TUSC3: variants seen among roughly 807,000 people sequenced by gnomAD.
TUSC3 encodes dolichyl-diphosphooligosaccharide--protein glycosyltransferase subunit TUSC3.
A neutral mutation model predicts 44.8 loss-of-function variants in TUSC3; 45 were observed. The ratio of observed to expected loss-of-function variants is 1.00; its 90% CI spans 0.79 to 1.29. The LOEUF (loss-of-function observed/expected upper bound fraction) is 1.29, where lower values mean the gene tolerates loss of function less well. Ranked by LOEUF, TUSC3 falls within the 50% of genes most tolerant of loss-of-function variation. TUSC3 has a pLI of 0.00. For synonymous variants in TUSC3, 212 were observed against 152.9 expected, an observed-to-expected ratio of 1.39 and a Z score of -2.85; for missense variants, 519 against 437.9, an observed-to-expected ratio of 1.19 and a Z score of -1.65.
chr8:15,491,798 C>A (rs1800812812), intron 2 of TUSC3, among the ~76,000 whole-genome samples: 1 of 152,214 alleles, frequency 6.6e-6, no homozygotes, highest in Non-Finnish European at 1.5e-5. Context: ...AATTCCTCAA[C>A]AAGTTCTATC....
rs532442874 is a variant in TUSC3 at position 15,680,095 on chromosome 8, A to G, written c.798+6259A>G. ...GTTTGGGTTCCACATGAATTTTAGA[A>G]TAGCTTTTTTTTTTCTAGTTCTGTG... On this transcript the variant is annotated intron_variant, in intron 6 of 10. Transcript: ENST00000503731. 4.3e-4 allele frequency among the ~76,000 whole-genome samples: 61 copies of G among 143,250 alleles called. No individual in the cohort carries two copies. In the South Asian group the frequency reaches 5.8e-3, roughly 14 times the overall value. 94.0% of individuals were successfully genotyped at this position (143,250 alleles called of 152,430 possible). A position where few individuals can be genotyped will look rare whatever the true frequency, so the allele number is the denominator to read the frequency against.
At chr8:15,518,232 A>G (rs1016633171) in intron 2 of TUSC3, among the ~76,000 whole-genome samples, 3 of 152,134 alleles carry the variant, frequency 2.0e-5, no homozygotes, top group African/African-American at 4.8e-5. Context: ...TTTGTGGTCA[A>G]TATTACCTTT....
chr8:15,762,762 A>G (rs974592114), intron 10 of TUSC3, among the ~76,000 whole-genome samples: 1 of 152,082 alleles, frequency 6.6e-6, no homozygotes, highest in Non-Finnish European at 1.5e-5. Flanking sequence ...TGCTAGCAGG[A>G]TGAACGCTAT....
chr8:15,791,564 G>A, the TUSC3 span, among the ~76,000 whole-genome samples: 7 of 152,094 alleles, frequency 4.6e-5, no homozygotes, highest in Non-Finnish European at 8.8e-5. Flanking sequence ...TCCATCATTG[G>A]CCAGCTCTGT....
Position 15,561,860 on chromosome 8 carries a change from G to A in TUSC3, c.138+21292G>A, listed in dbSNP as rs75671613. Among the ~76,000 whole-genome samples, 145 of 152,164 alleles carry A rather than the reference G, an allele frequency of 9.5e-4. 1 individual carries two copies. Among genetic ancestry groups the A allele is most frequent in the African/African-American group, 3.4e-3 (140 of 41,534 alleles). The stretch of plus-strand genomic sequence containing the variant: ...GTGAGGCAATGCCTCGCCCTGTTTC[G>A]GCTGGCGCACGGTGTGCGCACCCAC... On this transcript the variant is annotated intron_variant, in intron 1 of 10. Transcript: ENST00000503731.
chr8:15,441,838 T>G (rs1800024203), intron 1 of TUSC3, among the ~76,000 whole-genome samples: 1 of 152,176 alleles, frequency 6.6e-6, no homozygotes, highest in Admixed American at 6.5e-5. Flanking sequence ...TGATTATGCT[T>G]CTCTAAGCAC....
intron 1 of TUSC3, among the ~76,000 whole-genome samples, chr8:15,592,153 G>A (rs2129150741): frequency 6.6e-6 from 1 of 152,290 alleles, no homozygotes; most frequent in South Asian, 2.1e-4. Context: ...GACTTGAATA[G>A]TTGTTTTCCA....
the TUSC3 span, among the ~76,000 whole-genome samples, chr8:15,778,686 G>C: frequency 6.6e-6 from 1 of 152,122 alleles, no homozygotes; most frequent in African/African-American, 2.4e-5. Flanking sequence ...AATAGGGAAA[G>C]TGTAAATTTC....
intron 1 of TUSC3, among the ~76,000 whole-genome samples, chr8:15,547,303 A>G (rs944021578): frequency 5.9e-5 from 9 of 151,560 alleles, no homozygotes; most frequent in Non-Finnish European, 1.3e-4. Context: ...TGTCATTGTG[A>G]TTTGACTCAA....
At chr8:15,769,771 C>A (rs1387441871), downstream of TUSC3, among the ~76,000 whole-genome samples, 1 of 152,156 alleles carries the variant, frequency 6.6e-6, no homozygotes, top group Non-Finnish European at 1.5e-5. Context: ...TATGAACAGA[C>A]ACTTTTCAAA....
At chr8:15,471,304 A>G (rs868024492) in intron 1 of TUSC3, among the ~76,000 whole-genome samples, 1 of 152,176 alleles carries the variant, frequency 6.6e-6, no homozygotes, top group Non-Finnish European at 1.5e-5. Context: ...TGTTCTTGTG[A>G]CCAGAAATAT....
At chr8:15,716,221 A>G (rs1338626276) in intron 6 of TUSC3, among the ~76,000 whole-genome samples, 1 of 152,148 alleles carries the variant, frequency 6.6e-6, no homozygotes, top group Admixed American at 6.6e-5. Context: ...GTGCCACTGC[A>G]CTCCAGCCTG....
chr8:15,679,100 A>G (rs551584310), intron 6 of TUSC3, among the ~76,000 whole-genome samples: 2 of 152,222 alleles, frequency 1.3e-5, no homozygotes, highest in East Asian at 1.9e-4. Context: ...AGAACTGTTT[A>G]TTTTCTTTTA....
At chr8:15,789,936 G>A in the TUSC3 span, among the ~76,000 whole-genome samples, 1 of 152,130 alleles carries the variant, frequency 6.6e-6, no homozygotes, top group African/African-American at 2.4e-5. Context: ...AATTAAAAGT[G>A]AGCTGGTGGT....
intron 1 of TUSC3, among the ~76,000 whole-genome samples, chr8:15,471,907 C>T (rs889502942): frequency 6.6e-6 from 1 of 152,070 alleles, no homozygotes; most frequent in Non-Finnish European, 1.5e-5. Context: ...CATGAGCTGC[C>T]ACACCTGGCC....
At chr8:15,560,350 G>A (rs1341368607) in intron 1 of TUSC3, among the ~76,000 whole-genome samples, 1 of 138,238 alleles carries the variant, frequency 7.2e-6, no homozygotes, top group Non-Finnish European at 1.6e-5. Context: ...CTTCTGGCTT[G>A]TAGGGTTTCT....
chr8:15,570,679 A>C (rs1802838777), intron 1 of TUSC3, among the ~76,000 whole-genome samples: 1 of 151,998 alleles, frequency 6.6e-6, no homozygotes, highest in African/African-American at 2.4e-5. Flanking sequence ...GCATGATTTT[A>C]TTGTATAGGT....
chr8:15,826,455 A>C, the TUSC3 span, among the ~76,000 whole-genome samples: 1 of 152,202 alleles, frequency 6.6e-6, no homozygotes, highest in Non-Finnish European at 1.5e-5. Flanking sequence ...GTTTAGTGAT[A>C]TCGCACATTA....
At chr8:15,733,204 G>C (rs1289976212) in intron 7 of TUSC3, among the ~76,000 whole-genome samples, 2 of 152,018 alleles carry the variant, frequency 1.3e-5, no homozygotes, top group African/African-American at 2.4e-5. Flanking sequence ...TAAAAAATAA[G>C]GGCAAAGCTG....
Sources: gnomAD v4.1 joint callset for allele counts (sites outside exome capture counted in the v4.1 genomes callset) on GRCh38, gnomAD v4.1.1 for gene constraint, MANE v1.5 for transcripts, NCBI Gene and HGNC (gene_info 2026-07-23, HGNC 2026-07-21) for gene names.